JAZF1: variants seen among roughly 807,000 people sequenced by gnomAD.
JAZF1 encodes juxtaposed with another zinc finger protein 1.
JAZF1 carries 8 observed loss-of-function variants against 26.4 expected under a neutral mutation model. The observed-to-expected ratio is 0.30, with a 90% confidence interval of 0.18 to 0.55. The LOEUF (loss-of-function observed/expected upper bound fraction) is 0.55, where lower values mean the gene tolerates loss of function less well. Among genes scored for constraint, JAZF1 ranks in the 20% least tolerant of loss-of-function variants. The pLI, the probability that JAZF1 is intolerant of heterozygous loss-of-function variation, is 0.94. For missense variants in JAZF1, 199 were observed against 322.0 expected (o/e 0.62, Z 2.92); for synonymous variants, 126 against 122.3 (o/e 1.03, Z -0.20).
At chr7:28,073,004 A>T (rs1429573523) in intron 1 of JAZF1, among the ~76,000 whole-genome samples, 1 of 152,186 alleles carries the variant, frequency 6.6e-6, no homozygotes, top group Non-Finnish European at 1.5e-5. Flanking sequence ...CAGAAAAGGA[A>T]ACTCCAGCCT....
intron 2 of JAZF1, among the ~76,000 whole-genome samples, chr7:27,915,934 A>C (rs1384558468): frequency 6.6e-6 from 1 of 152,200 alleles, no homozygotes; most frequent in African/African-American, 2.4e-5. Context: ...CTGAAAAATT[A>C]AGTAGAATTC....
At chr7:28,174,821 G>GGTGTGTGTGTGTGTGT (rs58952216) in intron 1 of JAZF1, among the ~76,000 whole-genome samples, 1,591 of 107,770 alleles carry the variant, frequency 0.015, 137 homozygotes, top group African/African-American at 0.04. Context: ...GGGGTGTGTG[G>GGTGTGTGTGTGTGTGT]GTGTGTGTGT....
chr7:28,074,176 A>G (rs1177706289), intron 1 of JAZF1, among the ~76,000 whole-genome samples: 1 of 152,168 alleles, frequency 6.6e-6, no homozygotes, highest in Non-Finnish European at 1.5e-5. Context: ...TAAGTAATTA[A>G]TTTGCCCCAA....
chr7:27,926,335 A>T (rs530637084), intron 2 of JAZF1, among the ~76,000 whole-genome samples: 2 of 152,328 alleles, frequency 1.3e-5, no homozygotes, highest in South Asian at 4.1e-4. Flanking sequence ...AACTGGCAGG[A>T]CATACCTTCA....
At chr7:27,902,487 G>T (rs1784182223) in intron 2 of JAZF1, among the ~76,000 whole-genome samples, 1 of 152,188 alleles carries the variant, frequency 6.6e-6, no homozygotes, top group African/African-American at 2.4e-5. Flanking sequence ...GTGGGCTTTG[G>T]AGGTAGACTG....
chr7:28,103,394 A>G (rs1434940039), intron 1 of JAZF1, among the ~76,000 whole-genome samples: 1 of 152,076 alleles, frequency 6.6e-6, no homozygotes, highest in Non-Finnish European at 1.5e-5. Context: ...GTAGTGTACT[A>G]TGATCGCGCC....
In JAZF1 at chr7:27,840,685, G is replaced by GCA; in HGVS notation, c.555+11_555+12dup. 6.2e-7 allele frequency: 1 copy of GCA among 1,613,388 alleles called. No homozygotes were observed. The highest frequency in any genetic ancestry group is 8.5e-7 in the Non-Finnish European group (1 of 1,179,604). On this transcript the variant is annotated intron_variant, in intron 4 of 4. Transcript: ENST00000283928. This position sits in a 1 kb window ranked among gnomAD's most constrained non-coding sequence, Gnocchi z 5.1. Reference sequence around the variant, plus strand: ...TCCATGTGGTTATGCCAAGCATGCAGCACCTCTGTTACCTTGTATCTCTTT... The same window carrying GCA: ...TCCATGTGGTTATGCCAAGCATGCAGCACACCTCTGTTACCTTGTATCTCTTT...
chr7:28,059,983 T>C (rs1783772854), intron 1 of JAZF1, among the ~76,000 whole-genome samples: 1 of 152,202 alleles, frequency 6.6e-6, no homozygotes, highest in Non-Finnish European at 1.5e-5. Context: ...TAATCACTTC[T>C]GGAAAATTCA....
At chr7:27,892,150 A>C (rs1783984578) in intron 3 of JAZF1, among the ~76,000 whole-genome samples, 1 of 152,196 alleles carries the variant, frequency 6.6e-6, no homozygotes, top group South Asian at 2.1e-4. Context: ...AGGTAAAATA[A>C]CATTCCAAAC....
chr7:28,141,411 G>A (rs1333592043), intron 1 of JAZF1, among the ~76,000 whole-genome samples: 1 of 152,192 alleles, frequency 6.6e-6, no homozygotes, highest in East Asian at 1.9e-4. Flanking sequence ...GTGTTGGTAA[G>A]AGGCCAGTGC....
intron 2 of JAZF1, among the ~76,000 whole-genome samples, chr7:27,902,251 T>C (rs1202096607): frequency 6.6e-6 from 1 of 152,230 alleles, no homozygotes; most frequent in Non-Finnish European, 1.5e-5. Flanking sequence ...ATCTAAAAAA[T>C]TATGAATAAT....
chr7:28,022,352 G>T (rs1783020103), intron 1 of JAZF1, among the ~76,000 whole-genome samples: 1 of 152,160 alleles, frequency 6.6e-6, no homozygotes. Flanking sequence ...TCCACCAAAA[G>T]AATGCAGTTG....
intron 3 of JAZF1, among the ~76,000 whole-genome samples, chr7:27,885,603 G>A (rs1783846641): frequency 6.6e-6 from 1 of 152,092 alleles, no homozygotes; most frequent in South Asian, 2.1e-4. Context: ...CACCTATTCT[G>A]ATTGTTGTCG....
chr7:27,928,158 A>G (rs1242784107), intron 2 of JAZF1, among the ~76,000 whole-genome samples: 1 of 152,204 alleles, frequency 6.6e-6, no homozygotes, highest in Non-Finnish European at 1.5e-5. Flanking sequence ...TTTTCTTCTC[A>G]TAGCTTTTGG....
chr7:28,115,583 G>C (rs1784728871), intron 1 of JAZF1, among the ~76,000 whole-genome samples: 1 of 152,136 alleles, frequency 6.6e-6, no homozygotes, highest in South Asian at 2.1e-4. Flanking sequence ...CTGGCCCTTG[G>C]ACATATGTTG....
At chr7:27,905,540 A>T (rs1784240222) in intron 2 of JAZF1, among the ~76,000 whole-genome samples, 1 of 150,498 alleles carries the variant, frequency 6.6e-6, no homozygotes, top group Non-Finnish European at 1.5e-5. Context: ...ATCATATTTT[A>T]TTTATTTTTC....
chr7:27,845,715 GA>G (rs1450528830), intron 3 of JAZF1, among the ~76,000 whole-genome samples: 1 of 109,664 alleles, frequency 9.1e-6, no homozygotes, highest in Admixed American at 8.9e-5. Context: ...AAAAAAAAAA[GA>G]AAAGAAAAAG....
At chr7:28,165,103 A>G (rs1401650499) in intron 1 of JAZF1, among the ~76,000 whole-genome samples, 1 of 152,172 alleles carries the variant, frequency 6.6e-6, no homozygotes, top group Non-Finnish European at 1.5e-5. Flanking sequence ...GGAGAGGCGG[A>G]GGCTGCAGTG....
At chr7:27,891,373 A>AT (rs1783974535) in intron 3 of JAZF1, among the ~76,000 whole-genome samples, 2 of 152,228 alleles carry the variant, frequency 1.3e-5, no homozygotes, top group South Asian at 4.1e-4. Flanking sequence ...CCTGCAAAGC[A>AT]TATTTACTAT....
Sources: gnomAD v4.1 joint callset for allele counts (sites outside exome capture counted in the v4.1 genomes callset) on GRCh38, gnomAD v4.1.1 for gene constraint, Gnocchi (gnomAD v3.1) non-coding constraint, MANE v1.5 for transcripts, NCBI Gene and HGNC (gene_info 2026-07-23, HGNC 2026-07-21) for gene names.